The following LRBA variants were observed in gnomAD, a reference collection of about 807,000 sequenced individuals.
LRBA encodes lipopolysaccharide-responsive and beige-like anchor protein.
Under a neutral mutation model 330.0 loss-of-function variants are expected in LRBA, and 176 were observed. The ratio of observed to expected loss-of-function variants is 0.53; its 90% CI spans 0.47 to 0.60. The LOEUF (loss-of-function observed/expected upper bound fraction) is 0.60. LRBA is among the 20% of genes least tolerant of loss of function. The probability of loss-of-function intolerance (pLI) is 0.00; values close to 1 mark genes in which losing one functional copy is unlikely to be tolerated. For missense variants in LRBA, 3,259 were observed against 3,444.8 expected (o/e 0.95, Z 1.35); for synonymous variants, 1,230 against 1,193.0 (o/e 1.03, Z -0.64).
At chr4:150,882,650 C>T (rs927009512) in intron 17 of LRBA, among the ~76,000 whole-genome samples, 1 of 151,966 alleles carries the variant, frequency 6.6e-6, no homozygotes, top group Admixed American at 6.6e-5. Context: ...ATTTTCAATG[C>T]AGAAAATATA....
At chr4:150,325,513 T>C (rs1733126058) in intron 49 of LRBA, among the ~76,000 whole-genome samples, 1 of 152,138 alleles carries the variant, frequency 6.6e-6, no homozygotes, top group African/African-American at 2.4e-5. Context: ...TCATCAACCC[T>C]ATGTCTGGAG....
At chr4:150,940,866 T>C (rs1390359768) in intron 2 of LRBA, among the ~76,000 whole-genome samples, 2 of 151,960 alleles carry the variant, frequency 1.3e-5, no homozygotes, top group Admixed American at 6.6e-5. Context: ...TTCCTTCTTT[T>C]TGTTTTCTTT....
At chr4:150,770,216 G>A (rs1736366262) in intron 34 of LRBA, among the ~76,000 whole-genome samples, 1 of 152,102 alleles carries the variant, frequency 6.6e-6, no homozygotes, top group Non-Finnish European at 1.5e-5. Flanking sequence ...CTCAGACTGG[G>A]ACTTACACCA....
intron 40 of LRBA, among the ~76,000 whole-genome samples, chr4:150,555,953 C>G (rs115744044): frequency 3.6e-3 from 547 of 151,948 alleles, no homozygotes; most frequent in African/African-American, 0.012. Context: ...AGGAGCACAC[C>G]ACTATGCCTG....
intron 2 of LRBA, among the ~76,000 whole-genome samples, chr4:150,981,844 T>TC (rs1351382537): frequency 6.6e-6 from 1 of 151,406 alleles, no homozygotes; most frequent in African/African-American, 2.4e-5. Flanking sequence ...GTGCCTGTAG[T>TC]CCCAGCTACT....
chr4:150,470,876 C>CACACACACACACACACA (rs1554034850), intron 43 of LRBA, among the ~76,000 whole-genome samples: 1 of 143,710 alleles, frequency 7.0e-6, no homozygotes, highest in Non-Finnish European at 1.5e-5. Context: ...CACACACACA[C>CACACACACACACACACA]CACACACTAA....
intron 34 of LRBA, among the ~76,000 whole-genome samples, chr4:150,794,892 C>A (rs948011615): frequency 6.6e-6 from 1 of 152,088 alleles, no homozygotes; most frequent in Non-Finnish European, 1.5e-5. Context: ...GACAAGAATG[C>A]AGCTACCACA....
intron 36 of LRBA, among the ~76,000 whole-genome samples, chr4:150,716,718 T>C (rs1019021190): frequency 6.6e-6 from 1 of 152,182 alleles, no homozygotes; most frequent in Non-Finnish European, 1.5e-5. Flanking sequence ...GTATATACAG[T>C]ACCCTAAAAT....
intron 29 of LRBA, 79 bp from the exon 30 acceptor site, chr4:150,828,700 T>C: frequency 8.3e-7 from 1 of 1,203,264 alleles, no homozygotes; most frequent in Non-Finnish European, 1.2e-6. Flanking sequence ...TCTGTTTTAA[T>C]AGCTATCTAC....
chr4:150,805,683 G>A (rs1014942391), intron 33 of LRBA, among the ~76,000 whole-genome samples: 1 of 151,504 alleles, frequency 6.6e-6, no homozygotes, highest in African/African-American at 2.4e-5. Flanking sequence ...AGAAACGAAA[G>A]GAAAGGAAAG....
intron 49 of LRBA, among the ~76,000 whole-genome samples, chr4:150,322,415 T>C (rs1732638624): frequency 6.6e-6 from 1 of 152,350 alleles, no homozygotes; most frequent in Non-Finnish European, 1.5e-5. Context: ...CTACCATGTC[T>C]GTTTTCTAAT....
intron 40 of LRBA, among the ~76,000 whole-genome samples, chr4:150,517,977 G>A (rs1181905252): frequency 6.6e-6 from 1 of 152,194 alleles, no homozygotes; most frequent in Non-Finnish European, 1.5e-5. Context: ...AGCAAAACTA[G>A]CACAAATTTC....
At chr4:150,269,832 C>A (rs1020327158) in intron 56 of LRBA, among the ~76,000 whole-genome samples, 2 of 152,066 alleles carry the variant, frequency 1.3e-5, no homozygotes, top group Non-Finnish European at 2.9e-5. Context: ...GGAGTACCAG[C>A]TACCATGTAG....
chr4:151,006,689 A>G (rs755238971), intron 2 of LRBA, among the ~76,000 whole-genome samples: 5 of 152,312 alleles, frequency 3.3e-5, no homozygotes, highest in Middle Eastern at 3.4e-3. Flanking sequence ...TAATTCACAA[A>G]CAGGAAAAAA....
At chr4:150,534,571 A>G (rs1348902382) in intron 40 of LRBA, among the ~76,000 whole-genome samples, 1 of 152,026 alleles carries the variant, frequency 6.6e-6, no homozygotes, top group Non-Finnish European at 1.5e-5. Context: ...AAACTGTACA[A>G]AACAAAACAA....
At chr4:150,966,829 A>G (rs1738955860) in intron 2 of LRBA, among the ~76,000 whole-genome samples, 1 of 152,182 alleles carries the variant, frequency 6.6e-6, no homozygotes, top group Non-Finnish European at 1.5e-5. Flanking sequence ...CATCAGCATA[A>G]ACAAATGGAA....
At chr4:150,319,001 GATAATACCTGACCACT>G (rs1428224770) in intron 50 of LRBA, among the ~76,000 whole-genome samples, 4 of 152,154 alleles carry the variant, frequency 2.6e-5, no homozygotes, top group African/African-American at 9.7e-5. Context: ...AAGTGGAGAA[GATAATACCTGACCACT>G]AGGTATTAAG....
intron 36 of LRBA, among the ~76,000 whole-genome samples, chr4:150,698,937 A>T (rs1718217505): frequency 6.6e-6 from 1 of 152,210 alleles, no homozygotes; most frequent in African/African-American, 2.4e-5. Context: ...TCCAGACTAA[A>T]TACACAAGAC....
At chr4:150,293,148 G>A (rs562366830) in intron 53 of LRBA, among the ~76,000 whole-genome samples, 5 of 152,016 alleles carry the variant, frequency 3.3e-5, no homozygotes, top group Admixed American at 6.5e-5. Context: ...TCCTAAAGAC[G>A]GATACCTCTA....
Sources: gnomAD v4.1 joint callset for allele counts (sites outside exome capture counted in the v4.1 genomes callset) on GRCh38, gnomAD v4.1.1 for gene constraint, MANE v1.5 for transcripts, NCBI Gene and HGNC (gene_info 2026-07-23, HGNC 2026-07-21) for gene names.